LIMCH1: variants seen among roughly 807,000 people sequenced by gnomAD.
The protein encoded by LIMCH1 is LIM and calponin homology domains-containing protein 1.
A neutral mutation model predicts 176.5 loss-of-function variants in LIMCH1; 113 were observed. The observed-to-expected ratio is 0.64, with a 90% CI of 0.55 to 0.75. The LOEUF (loss-of-function observed/expected upper bound fraction) is 0.75. Ranked by LOEUF, LIMCH1 falls within the 30% of genes least tolerant of loss-of-function variation. LIMCH1 has a pLI of 0.00. For synonymous variants in LIMCH1, 619 were observed against 645.9 expected (o/e 0.96, Z 0.63); for missense variants, 1,674 against 1,814.9 (o/e 0.92, Z 1.41).
intron 4 of LIMCH1, among the ~76,000 whole-genome samples, chr4:41,611,202 AG>A (rs1445340502): frequency 6.6e-6 from 1 of 152,224 alleles, no homozygotes; most frequent in African/African-American, 2.4e-5. Context: ...AGTTACCTAC[AG>A]TATTCAGTAC....
intron 1 of LIMCH1, among the ~76,000 whole-genome samples, chr4:41,557,455 G>A (rs900673378): frequency 6.6e-6 from 1 of 151,980 alleles, no homozygotes; most frequent in Admixed American, 6.6e-5. Context: ...GGTATCCAGG[G>A]AAGTTTAAAC....
intron 28 of LIMCH1, among the ~76,000 whole-genome samples, chr4:41,687,526 C>T (rs1019560168): frequency 6.6e-6 from 1 of 152,002 alleles, no homozygotes; most frequent in Admixed American, 6.6e-5. Context: ...AAAAAACAAC[C>T]TGGCAATTTT....
chr4:41,502,425 C>A (rs2073469094), intron 2 of LIMCH1, among the ~76,000 whole-genome samples: 1 of 152,106 alleles, frequency 6.6e-6, no homozygotes, highest in Non-Finnish European at 1.5e-5. Flanking sequence ...GGTATATACC[C>A]AGTAATGGGA....
In LIMCH1 at chr4:41,619,395, G is replaced by C. The variant is rs2092391106; in HGVS notation, c.413G>C (p.Ser138Thr). 6.2e-7 allele frequency: 1 copy of C among 1,612,992 alleles called. No homozygotes were observed. The highest frequency in any genetic ancestry group is 1.3e-5 in the African/African-American group (1 of 74,940). Residue 138 changes from serine (S) to threonine (T), a missense_variant, in exon 6 of 32, where the codon AGC becomes ACC. Physicochemically the swap from Ser to Thr is moderately conservative, Grantham distance 58. This residue lies in a region of LIMCH1 where 655 missense variants were observed against 692.2 expected (regional missense o/e 0.95). Transcript: ENST00000503057. ...GCAGAGAGAGAGGAATACCGCAAGA[G>C]CTGGAGTACCGCCACCTCCCCGCTG... ...KKAEREEYRK[S>T]WSTATSPLGG...
Position 41,538,279 on chromosome 4 carries a change from A to C in LIMCH1, c.-312A>C. 1 of 985,454 alleles carries C rather than the reference A, an allele frequency of 1.0e-6. No individual in the cohort carries two copies. The highest frequency in any genetic ancestry group is 4.7e-5 in the South Asian group (1 of 21,282). 61.0% of individuals were successfully genotyped at this position (985,454 alleles called of 1,614,324 possible). The stretch of plus-strand genomic sequence containing the variant: ...GTGCTGGGGCTGACGAGGAGCACAC[A>C]GGAGAGATGCCCCTCCCATCTCCCA... On this transcript the variant is annotated 5_prime_UTR_variant, in exon 1 of 32. Transcript: ENST00000503057.
chr4:41,439,318 G>A lies in LIMCH1; in HGVS notation c.97-55218G>A, dbSNP rs139823855. ...AAAAAGGGGAGGGCAGGCCAGCGCCGTGGCTCATGCCTGTAATCCCACTTT... is the reference window on the plus strand; with the variant it reads ...AAAAAGGGGAGGGCAGGCCAGCGCCATGGCTCATGCCTGTAATCCCACTTT... On this transcript the variant is annotated intron_variant, in intron 1 of 26. Coordinates refer to the LIMCH1 transcript ENST00000313860. Among the ~76,000 whole-genome samples, 945 of 152,326 alleles carry A rather than the reference G, an allele frequency of 6.2e-3. 11 individuals are homozygous for A. Among genetic ancestry groups the A allele is most frequent in the African/African-American group, 0.022 (903 of 41,580 alleles).
At chr4:41,433,219 C>A (rs1238171672) in intron 1 of LIMCH1, among the ~76,000 whole-genome samples, 1 of 152,176 alleles carries the variant, frequency 6.6e-6, no homozygotes, top group Non-Finnish European at 1.5e-5. Flanking sequence ...AATGAGCGGG[C>A]ATTCTTTTGA....
At chr4:41,463,290 A>G (rs1399617007) in intron 1 of LIMCH1, among the ~76,000 whole-genome samples, 1 of 152,082 alleles carries the variant, frequency 6.6e-6, no homozygotes, top group Non-Finnish European at 1.5e-5. Context: ...TTTTCTTTTT[A>G]TAGTACACCC....
chr4:41,675,755 G>C (rs545847467), intron 22 of LIMCH1, among the ~76,000 whole-genome samples: 2 of 146,642 alleles, frequency 1.4e-5, no homozygotes, highest in East Asian at 4.1e-4. Flanking sequence ...TTATTTACTT[G>C]GTTCCCAAAC....
At chr4:41,692,643 T>C in intron 31 of LIMCH1, 1 of 352,496 alleles carries the variant, frequency 2.8e-6, no homozygotes, top group East Asian at 5.9e-5. Context: ...CTGAGCTCAC[T>C]ACAGAGATTT....
chr4:41,378,208 C>A (rs1166269176), intron 1 of LIMCH1, among the ~76,000 whole-genome samples: 1 of 152,188 alleles, frequency 6.6e-6, no homozygotes, highest in African/African-American at 2.4e-5. Context: ...GAAGAAGACA[C>A]ACTGGGTCAC....
rs2093415734 is a variant in LIMCH1 at position 41,633,194 on chromosome 4, T to C, written c.1829+109T>C. The C allele has an allele frequency of 3.2e-5, 24 of 756,460 alleles. No individual in the cohort carries two copies. In the Admixed American group the frequency reaches 3.5e-4, roughly 11 times the overall value. 46.9% of individuals were successfully genotyped at this position (756,460 alleles called of 1,614,324 possible). ...GTCACAGTCTGCACCTGGCGACTGA[T>C]AGAGCGTGGAGTAAAGTCACTAAAA... On this transcript the variant is annotated intron_variant, in intron 12 of 31. Transcript: ENST00000503057.
At chr4:41,576,242 A>G (rs1584359090) in intron 1 of LIMCH1, among the ~76,000 whole-genome samples, 1 of 152,316 alleles carries the variant, frequency 6.6e-6, no homozygotes, top group African/African-American at 2.4e-5. Context: ...TTTATGATCA[A>G]GAATGCTTTA....
intron 1 of LIMCH1, among the ~76,000 whole-genome samples, chr4:41,491,805 C>T (rs547606736): frequency 1.2e-4 from 16 of 135,012 alleles, no homozygotes; most frequent in Admixed American, 3.8e-4. Flanking sequence ...TCCTCCCAGA[C>T]GGGGCGGCCA....
At chr4:41,682,530 G>T in intron 26 of LIMCH1, 70 bp downstream of exon 26, 1 of 1,476,590 alleles carries the variant, frequency 6.8e-7, no homozygotes, top group Non-Finnish European at 9.2e-7. Flanking sequence ...CTCAGGAAGG[G>T]TACTCATTGC....
intron 4 of LIMCH1, chr4:41,612,703 A>T (rs2091577505): frequency 2.9e-6 from 2 of 700,022 alleles, no homozygotes; most frequent in Non-Finnish European, 5.2e-6. Flanking sequence ...GCTGTCAAAG[A>T]CAGCCATTGT....
chr4:41,633,102 C>G lies in LIMCH1; in HGVS notation c.1829+17C>G. The G allele has an allele frequency of 6.7e-7, 1 of 1,495,258 alleles. No homozygotes were observed. Among genetic ancestry groups the G allele is most frequent in the Non-Finnish European group, 9.0e-7 (1 of 1,111,308 alleles). The allele number at this position is 1,495,258 out of a possible 1,614,324, so 92.6% of individuals were successfully genotyped here. A position where few individuals can be genotyped will look rare whatever the true frequency, so the allele number is the denominator to read the frequency against. On this transcript the variant is annotated intron_variant, in intron 12 of 31. Transcript: ENST00000503057. The stretch of plus-strand genomic sequence containing the variant: ...CCAGCCACTGTGAGCATCTTGCCTG[C>G]GCTCTGCTCCGTGGTGTGTTGCCCC...
chr4:41,587,141 T>C (rs1275042745), intron 1 of LIMCH1, among the ~76,000 whole-genome samples: 1 of 152,206 alleles, frequency 6.6e-6, no homozygotes, highest in African/African-American at 2.4e-5. Context: ...TTGAAGAGTT[T>C]GTATGCTAAA....
intron 1 of LIMCH1, among the ~76,000 whole-genome samples, chr4:41,493,641 T>C (rs1314639781): frequency 1.3e-5 from 2 of 152,144 alleles, no homozygotes; most frequent in African/African-American, 4.8e-5. Context: ...ATTCACAGAT[T>C]TTGGTAGCCG....
Sources: gnomAD v4.1 joint callset for allele counts (sites outside exome capture counted in the v4.1 genomes callset) on GRCh38, gnomAD v4.1.1 for gene constraint, gnomAD v4.1.1 regional missense constraint, MANE v1.5 for transcripts, NCBI Gene and HGNC (gene_info 2026-07-23, HGNC 2026-07-21) for gene names.